Variants in BACH2 observed in about 807,000 individuals in gnomAD.
BACH2 encodes BACH transcriptional regulator 2, also known as transcription regulator protein BACH2.
BACH2 carries 5 observed loss-of-function variants against 61.8 expected under a neutral mutation model. The observed-to-expected ratio is 0.08, with a 90% confidence interval of 0.04 to 0.17. The LOEUF is 0.17. Among genes scored for constraint, BACH2 ranks in the 10% least tolerant of loss-of-function variants. BACH2 has a pLI of 1.00. For synonymous variants in BACH2, 446 were observed against 440.1 expected (o/e 1.01, Z -0.17); for missense variants, 824 against 1,091.1 (o/e 0.76, Z 3.45).
intron 5 of BACH2, among the ~76,000 whole-genome samples, chr6:90,037,593 A>C (rs761806176): frequency 1.3e-5 from 2 of 152,210 alleles, no homozygotes; most frequent in Non-Finnish European, 2.9e-5. Flanking sequence ...CACGCTTCAC[A>C]TATCAGTCAC....
At chr6:90,126,462 A>G (rs932012804) in intron 4 of BACH2, among the ~76,000 whole-genome samples, 1 of 152,192 alleles carries the variant, frequency 6.6e-6, no homozygotes, top group African/African-American at 2.4e-5. Flanking sequence ...AGACTTCAAT[A>G]TTTAGTTACG....
At chr6:90,197,085 A>T (rs1339499488) in intron 4 of BACH2, among the ~76,000 whole-genome samples, 1 of 152,234 alleles carries the variant, frequency 6.6e-6, no homozygotes, top group East Asian at 1.9e-4. Context: ...TTTAAAAACA[A>T]AGCCAATGAT....
chr6:90,089,102 G>A lies in BACH2; in HGVS notation c.-154C>T. 1 of 152,276 alleles carries A rather than the reference G, an allele frequency of 6.6e-6. No homozygotes were observed. The highest frequency in any genetic ancestry group is 1.9e-4 in the East Asian group (1 of 5,300). The allele number at this position is 152,276 out of a possible 1,614,324, so 9.4% of individuals were successfully genotyped here. A position where few individuals can be genotyped will look rare whatever the true frequency, so the allele number is the denominator to read the frequency against. On this transcript the variant is annotated 5_prime_UTR_variant, in exon 5 of 9. Coordinates refer to ENST00000257749, the MANE Select transcript of BACH2 (RefSeq NM_021813.4). ...GGGCAACCTTGTGACAGGTCAGTGAGTGTCCACCTAATTGGGAAGGAAAAG... is the reference window on the plus strand; with the variant it reads ...GGGCAACCTTGTGACAGGTCAGTGAATGTCCACCTAATTGGGAAGGAAAAG...
chr6:90,047,582 T>C (rs1779847420), intron 5 of BACH2, among the ~76,000 whole-genome samples: 1 of 152,196 alleles, frequency 6.6e-6, no homozygotes, highest in African/African-American at 2.4e-5. Context: ...CTGAGCACCT[T>C]CGAGTGTCCG....
chr6:90,258,109 T>G (rs2127873881), intron 2 of BACH2, among the ~76,000 whole-genome samples: 1 of 152,262 alleles, frequency 6.6e-6, no homozygotes, highest in South Asian at 2.1e-4. Context: ...TGGCCTGAGC[T>G]CTTGTTGTGA....
At chr6:89,945,562 G>A (rs1238916351) in intron 7 of BACH2, among the ~76,000 whole-genome samples, 1 of 152,192 alleles carries the variant, frequency 6.6e-6, no homozygotes, top group East Asian at 1.9e-4. Flanking sequence ...GGGCAATGAG[G>A]AGTAACTGCT....
chr6:90,163,970 C>T (rs994376475), intron 4 of BACH2, among the ~76,000 whole-genome samples: 3 of 152,080 alleles, frequency 2.0e-5, no homozygotes, highest in Non-Finnish European at 4.4e-5. Flanking sequence ...CAGGAAAGAT[C>T]TAAAATTGAC....
At chr6:90,033,351 T>TAAAAAAAA (rs57759686) in intron 5 of BACH2, among the ~76,000 whole-genome samples, 6 of 83,308 alleles carry the variant, frequency 7.2e-5, no homozygotes, top group African/African-American at 1.2e-4. Flanking sequence ...GAAACTTAAA[T>TAAAAAAAA]AAAAAAAAAA....
chr6:90,034,924 C>G (rs568065639), intron 5 of BACH2, among the ~76,000 whole-genome samples: 2 of 151,974 alleles, frequency 1.3e-5, no homozygotes, highest in Admixed American at 6.6e-5. Context: ...TACAGCTAAT[C>G]AAAGAAAGAC....
chr6:90,119,512 T>C (rs207271), intron 4 of BACH2, among the ~76,000 whole-genome samples: 81,122 of 151,994 alleles, frequency 0.53, 22,324 homozygotes, highest in African/African-American at 0.63. Context: ...ACTGAGCTAT[T>C]AATTTAAACT....
chr6:90,128,622 AAC>A (rs1783964196), intron 4 of BACH2, among the ~76,000 whole-genome samples: 2 of 152,164 alleles, frequency 1.3e-5, no homozygotes, highest in African/African-American at 4.8e-5. Context: ...TGGGACTGTA[AAC>A]TAGTTCAACC....
At chr6:90,140,354 C>A (rs1322979665) in intron 4 of BACH2, among the ~76,000 whole-genome samples, 2 of 152,076 alleles carry the variant, frequency 1.3e-5, no homozygotes, top group Non-Finnish European at 1.5e-5. Flanking sequence ...GAAGGCTTTG[C>A]AAGCTTCCTT....
chr6:90,295,384 T>C (rs551132764), intron 1 of BACH2, among the ~76,000 whole-genome samples: 1 of 152,208 alleles, frequency 6.6e-6, no homozygotes, highest in South Asian at 2.1e-4. Flanking sequence ...CCCTGCACGC[T>C]TCCCCTCACG....
intron 6 of BACH2, among the ~76,000 whole-genome samples, chr6:89,975,819 C>T (rs1471533182): frequency 3.9e-5 from 6 of 152,152 alleles, no homozygotes; most frequent in Non-Finnish European, 1.5e-5. Context: ...AAACGAAATA[C>T]CATCTTTCAG....
intron 4 of BACH2, among the ~76,000 whole-genome samples, chr6:90,099,893 T>A (rs1421083657): frequency 1.3e-5 from 2 of 152,086 alleles, no homozygotes; most frequent in Non-Finnish European, 2.9e-5. Context: ...ATTTCCATCA[T>A]CCAAAAAAGA....
At chr6:90,201,929 T>A (rs1019595813) in intron 4 of BACH2, among the ~76,000 whole-genome samples, 1 of 152,208 alleles carries the variant, frequency 6.6e-6, no homozygotes, top group African/African-American at 2.4e-5. Context: ...AGATCTTTTA[T>A]GTTTATTATT....
intron 5 of BACH2, among the ~76,000 whole-genome samples, chr6:90,039,447 C>A (rs1436374646): frequency 6.6e-6 from 1 of 152,078 alleles, no homozygotes; most frequent in Non-Finnish European, 1.5e-5. Flanking sequence ...TGCAGAGGCG[C>A]GATCTTGGCT....
At chr6:89,987,921 T>C (rs533433079) in intron 6 of BACH2, among the ~76,000 whole-genome samples, 1 of 152,270 alleles carries the variant, frequency 6.6e-6, no homozygotes, top group Admixed American at 6.5e-5. Context: ...ACAAGGTTGA[T>C]AGTATTTTCA....
chr6:89,984,547 A>AC (rs1270331109), intron 6 of BACH2, among the ~76,000 whole-genome samples: 1 of 152,146 alleles, frequency 6.6e-6, no homozygotes. Context: ...AGAAGCAGAC[A>AC]CAAGTGTGTT....
Sources: gnomAD v4.1 joint callset for allele counts (sites outside exome capture counted in the v4.1 genomes callset) on GRCh38, gnomAD v4.1.1 for gene constraint, MANE v1.5 for transcripts, NCBI Gene and HGNC (gene_info 2026-07-23, HGNC 2026-07-21) for gene names.